RBBP6: variants seen among roughly 807,000 people sequenced by gnomAD.
The protein encoded by RBBP6 is E3 ubiquitin-protein ligase RBBP6.
In RBBP6, 25 loss-of-function variants were observed where a neutral mutation model predicts 167.7. That is an observed-to-expected ratio of 0.15 (90% CI 0.11 to 0.21). The LOEUF (loss-of-function observed/expected upper bound fraction) is 0.21. Ranked by LOEUF, RBBP6 falls within the 10% of genes least tolerant of loss-of-function variation. RBBP6 has a pLI of 1.00. For missense variants in RBBP6, 1,868 were observed against 2,134.2 expected (o/e 0.88, Z 2.46); for synonymous variants, 789 against 735.8 (o/e 1.07, Z -1.17).
At chr16:24,557,929 C>G (rs554227584) in intron 7 of RBBP6, among the ~76,000 whole-genome samples, 1 of 152,210 alleles carries the variant, frequency 6.6e-6, no homozygotes, top group East Asian at 1.9e-4. Context: ...TCCTAAACTC[C>G]CAACCCTGCT....
At chr16:24,549,491 A>G in intron 3 of RBBP6, 2 of 550,724 alleles carry the variant, frequency 3.6e-6, no homozygotes, top group Non-Finnish European at 4.6e-6. Flanking sequence ...CATTAGCAAC[A>G]TGCAAAGCTT....
intron 13 of RBBP6, among the ~76,000 whole-genome samples, chr16:24,564,463 C>T (rs921194999): frequency 6.6e-6 from 1 of 152,082 alleles, no homozygotes; most frequent in East Asian, 1.9e-4. Context: ...AAAATGACTT[C>T]ATTGTGCCCA....
chr16:24,562,202 T>C (rs778834017), intron 10 of RBBP6, 41 bp downstream of exon 10: 4 of 1,509,562 alleles, frequency 2.6e-6, no homozygotes, highest in Middle Eastern at 1.7e-4. Flanking sequence ...CCAAATGAGG[T>C]CAATGATGTA....
chr16:24,566,494 C>G (rs1365375965), intron 14 of RBBP6, among the ~76,000 whole-genome samples: 2 of 152,178 alleles, frequency 1.3e-5, no homozygotes, highest in African/African-American at 4.8e-5. Context: ...TGGCTCTCAC[C>G]TGTAACCCCA....
chr16:24,568,808 A>T lies in RBBP6; in HGVS notation c.2118A>T (p.Arg706Ser), dbSNP rs746703662. ...GTTCATATACTTATTCTAAATCAAG[A>T]TCTGGTTCAACACGTTCACGCTCTT... is the stretch of plus-strand genomic sequence containing the variant. ...SRSSYTYSKS[R>S]SGSTRSRSYS... Residue 706 changes from arginine (R) to serine (S), a missense_variant, in exon 17 of 18, where the codon AGA becomes AGT. Coordinates refer to ENST00000319715, the MANE Select transcript of RBBP6 (RefSeq NM_006910.5). 1 of 1,614,100 alleles carries T rather than the reference A, an allele frequency of 6.2e-7. No homozygotes were observed. Among genetic ancestry groups the T allele is most frequent in the Non-Finnish European group, 8.5e-7 (1 of 1,180,048 alleles).
Position 24,570,229 on chromosome 16 carries a change from C to T in RBBP6, c.3539C>T (p.Pro1180Leu), listed in dbSNP as rs1489446565. 1.9e-6 allele frequency: 3 copies of T among 1,612,824 alleles called. No individual in the cohort carries two copies. Among genetic ancestry groups the T allele is most frequent in the Non-Finnish European group, 2.5e-6 (3 of 1,179,754 alleles). ...GTGACTGAAATAGTGAAACCATCACCAAAGCGCAAAATGGAACCTGATACT... is the reference window on the plus strand; with the variant it reads ...GTGACTGAAATAGTGAAACCATCACTAAAGCGCAAAATGGAACCTGATACT... ...LEVTEIVKPS[P>L]KRKMEPDTEK... Residue 1180 changes from proline to leucine, a missense_variant, in exon 17 of 18, where the codon CCA (proline) becomes CTA (leucine). By Grantham distance (98) the Pro-to-Leu change is moderately conservative. This residue lies in a region of RBBP6 where 673 missense variants were observed against 691.5 expected (regional missense o/e 0.97). Transcript: ENST00000319715.
chr16:24,564,576 G>T (rs1248491570), intron 13 of RBBP6, among the ~76,000 whole-genome samples: 1 of 152,112 alleles, frequency 6.6e-6, no homozygotes, highest in East Asian at 1.9e-4. Context: ...TCTATTTTGA[G>T]GTCTAGTTAT....
chr16:24,552,524 T>A (rs1048149203), intron 3 of RBBP6, among the ~76,000 whole-genome samples: 3 of 151,894 alleles, frequency 2.0e-5, no homozygotes, highest in African/African-American at 2.4e-5. Context: ...AAGATTTTTT[T>A]AAAAACTGAT....
chr16:24,553,288 A>T (rs2141463165), intron 3 of RBBP6: 1 of 433,908 alleles, frequency 2.3e-6, no homozygotes, highest in Non-Finnish European at 4.2e-6. Flanking sequence ...TTTTCATTTT[A>T]ATTGAGTCCC....
At chr16:24,543,817 G>A (rs1486365236) in intron 1 of RBBP6, among the ~76,000 whole-genome samples, 1 of 152,096 alleles carries the variant, frequency 6.6e-6, no homozygotes, top group East Asian at 1.9e-4. Context: ...TGAATATGAA[G>A]TGTTTATAAA....
intron 8 of RBBP6, among the ~76,000 whole-genome samples, chr16:24,561,288 C>CTATTT (rs1431312280): frequency 2.0e-5 from 3 of 151,652 alleles, no homozygotes; most frequent in Non-Finnish European, 4.4e-5. Flanking sequence ...GGGATCCTTG[C>CTATTT]TATTTTGCCC....
In RBBP6 at chr16:24,571,573, C is replaced by A. The variant is rs377389461; in HGVS notation, c.4507C>A (p.Arg1503=). The change falls in exon 18 of 18, where the codon CGG becomes AGG. Residue 1503 remains arginine (R), a synonymous_variant. Transcript: ENST00000319715. ...AACAAGACGAAAAGACTCTCCTTCT[C>A]GGAATAAAGATTCTGCATCTGGACA... The part of the protein sequence containing the change: ...ELTRRKDSPS[R]NKDSASGQKN... 6.2e-7 allele frequency: 1 copy of A among 1,612,542 alleles called. No individual in the cohort carries two copies. The highest frequency in any genetic ancestry group is 2.2e-5 in the East Asian group (1 of 44,870).
intron 2 of RBBP6, 62 bp downstream of exon 2, chr16:24,546,324 A>G: frequency 7.0e-7 from 1 of 1,436,550 alleles, no homozygotes. Flanking sequence ...TAATTTTGTG[A>G]GAAAAAACTG....
In RBBP6 at chr16:24,569,477, A is replaced by G; in HGVS notation, c.2787A>G (p.Lys929=). The change falls in exon 17 of 18, where the codon AAA becomes AAG. Residue 929 remains lysine, a synonymous_variant. Coordinates refer to ENST00000319715, the MANE Select transcript of RBBP6 (RefSeq NM_006910.5). ...GTGAAAACGCTCCAGGAGATGGTAA[A>G]GGAAATAAGCATAAGAAACACAGAA... The part of the protein sequence containing the change: ...KESENAPGDG[K]GNKHKKHRKR... 1 of 1,611,128 alleles carries G rather than the reference A, an allele frequency of 6.2e-7. No individual in the cohort carries two copies. The highest frequency in any genetic ancestry group is 8.5e-7 in the Non-Finnish European group (1 of 1,179,278).
Position 24,569,464 on chromosome 16 carries a change from C to T in RBBP6, c.2774C>T (p.Pro925Leu), listed in dbSNP as rs150171704. Residue 925 changes from proline to leucine, a missense_variant, in exon 17 of 18, where the codon CCA becomes CTA. Physicochemically the swap from Pro to Leu is moderately conservative, Grantham distance 98 (BLOSUM62 -3). Around this residue, in one of 7 missense-constraint regions of RBBP6, gnomAD observed 673 missense variants for 691.5 expected, o/e 0.97. Coordinates refer to ENST00000319715, the MANE Select transcript of RBBP6 (RefSeq NM_006910.5). Reference protein sequence around the residue: ...KSKEKESENAPGDGKGNKHKK... With the variant: ...KSKEKESENALGDGKGNKHKK... The stretch of plus-strand genomic sequence containing the variant: ...AAAGAGAAGGAGAGTGAAAACGCTC[C>T]AGGAGATGGTAAAGGAAATAAGCAT... 2.5e-6 allele frequency: 4 copies of T among 1,611,748 alleles called. No homozygotes were observed. Among genetic ancestry groups the T allele is most frequent in the African/African-American group, 1.3e-5 (1 of 74,544 alleles).
intron 1 of RBBP6, among the ~76,000 whole-genome samples, chr16:24,543,515 G>C (rs567857526): frequency 6.6e-6 from 1 of 151,970 alleles, no homozygotes; most frequent in South Asian, 2.1e-4. Flanking sequence ...GCCCAGGCTG[G>C]TCTCCTGAGC....
In RBBP6 at chr16:24,562,002, C is replaced by T. The variant is rs780722374; in HGVS notation, c.1130C>T (p.Ser377Leu). Reference protein sequence around the residue: ...DPLMIPVTSSSTHPAPSISSL... With the variant: ...DPLMIPVTSSLTHPAPSISSL... ...CTTATGATTCCAGTGACATCTTCAT[C>T]AACTCACCCAGCTCCGTCTATATCT... Residue 377 changes from serine (S) to leucine (L), a missense_variant, in exon 10 of 18, where the codon TCA (serine) becomes TTA (leucine). Physicochemically the swap from Ser to Leu is moderately radical, Grantham distance 145 (BLOSUM62 -2). Around this residue, in one of 7 missense-constraint regions of RBBP6, gnomAD observed 245 missense variants for 240.1 expected, o/e 1.02. Transcript: ENST00000319715. 51 of 1,613,706 alleles carry T rather than the reference C, an allele frequency of 3.2e-5. No individual in the cohort carries two copies. In the Admixed American group the frequency reaches 8.2e-4, roughly 26 times the overall value.
intron 8 of RBBP6, 121 bp from the exon 9 acceptor site, chr16:24,561,491 G>A: frequency 1.3e-6 from 1 of 798,602 alleles, no homozygotes; most frequent in Non-Finnish European, 2.0e-6. Context: ...GAAATGATTA[G>A]CACGACATGC....
At chr16:24,548,194 C>G (rs559503833) in intron 2 of RBBP6, among the ~76,000 whole-genome samples, 2 of 152,104 alleles carry the variant, frequency 1.3e-5, no homozygotes. Context: ...AAAATAATTT[C>G]TTTTGGGGTT....
Sources: gnomAD v4.1 joint callset for allele counts (sites outside exome capture counted in the v4.1 genomes callset) on GRCh38, gnomAD v4.1.1 for gene constraint, gnomAD v4.1.1 regional missense constraint, MANE v1.5 for transcripts, NCBI Gene and HGNC (gene_info 2026-07-23, HGNC 2026-07-21) for gene names.